The following SLC25A26 variants were observed in gnomAD, a reference collection of about 807,000 sequenced individuals.
The protein encoded by SLC25A26 is solute carrier family 25 member 26.
SLC25A26 carries 36 observed loss-of-function variants against 37.8 expected under a neutral mutation model. The ratio of observed to expected loss-of-function variants is 0.95; its 90% CI spans 0.73 to 1.26. SLC25A26 has a LOEUF of 1.26. Among genes scored for constraint, SLC25A26 ranks in the 50% most tolerant of loss-of-function variants. The probability of loss-of-function intolerance (pLI) is 0.00; values close to 1 mark genes in which losing one functional copy is unlikely to be tolerated. For missense variants in SLC25A26, 390 were observed against 331.1 expected, an observed-to-expected ratio of 1.18 and a Z score of -1.38; for synonymous variants, 129 against 122.5, an observed-to-expected ratio of 1.05 and a Z score of -0.35.
intron 9 of SLC25A26, chr3:66,371,330 T>C (rs1413026868): frequency 6.5e-7 from 1 of 1,549,360 alleles, no homozygotes; most frequent in Non-Finnish European, 8.7e-7. Flanking sequence ...GATGCCGAGT[T>C]GGATCACTTA....
At chr3:66,236,832 T>C in intron 2 of SLC25A26, 132 bp downstream of exon 2, 2 of 647,232 alleles carry the variant, frequency 3.1e-6, no homozygotes, top group South Asian at 4.3e-5. Context: ...TAACCTGGTG[T>C]CATTATTATT....
chr3:66,173,907 G>T (rs1329564198), intron 1 of SLC25A26, among the ~76,000 whole-genome samples: 1 of 152,124 alleles, frequency 6.6e-6, no homozygotes, highest in Non-Finnish European at 1.5e-5. Context: ...AAAAAAATTA[G>T]CTGGGCGTGG....
At chr3:66,375,354 TAACACTA>T (rs1700585762) in intron 9 of SLC25A26, among the ~76,000 whole-genome samples, 1 of 152,206 alleles carries the variant, frequency 6.6e-6, no homozygotes, top group Admixed American at 6.5e-5. Flanking sequence ...ATGAAGGCAC[TAACACTA>T]AACAACAGAT....
intron 1 of SLC25A26, among the ~76,000 whole-genome samples, chr3:66,153,424 G>T (rs955288461): frequency 6.6e-6 from 1 of 152,172 alleles, no homozygotes; most frequent in Non-Finnish European, 1.5e-5. Flanking sequence ...ATTAACAGGA[G>T]TGCCTGTTTA....
At chr3:66,224,509 T>C (rs36163062) in intron 1 of SLC25A26, among the ~76,000 whole-genome samples, 134,837 of 152,216 alleles carry the variant, frequency 0.89, 59,828 homozygotes, top group Middle Eastern at 0.95. Flanking sequence ...AGTTACCTTC[T>C]ACCAGGTCCC....
chr3:66,313,588 G>A (rs1575549519), intron 5 of SLC25A26, among the ~76,000 whole-genome samples: 1 of 152,152 alleles, frequency 6.6e-6, no homozygotes, highest in Non-Finnish European at 1.5e-5. Flanking sequence ...GCTTAGGATT[G>A]TCTTGGCTGT....
At chr3:66,306,873 G>A (rs546717121) in intron 5 of SLC25A26, among the ~76,000 whole-genome samples, 21 of 152,114 alleles carry the variant, frequency 1.4e-4, no homozygotes, top group Non-Finnish European at 2.4e-4. Context: ...TCCATGGTGT[G>A]TATGTGCCAC....
chr3:66,221,080 G>C lies in SLC25A26; in HGVS notation c.-15G>C. ...CTCCGGCTTGGATTGTAGCCTTGACGAGGTCTGAGCGACCATGGACCGGCC... is the reference window on the plus strand; with the variant it reads ...CTCCGGCTTGGATTGTAGCCTTGACCAGGTCTGAGCGACCATGGACCGGCC... On this transcript the variant is annotated 5_prime_UTR_variant, in exon 1 of 10. Transcript: ENST00000354883. 1 of 1,535,144 alleles carries C rather than the reference G, an allele frequency of 6.5e-7. No individual in the cohort carries two copies. Among genetic ancestry groups the C allele is most frequent in the Non-Finnish European group, 8.7e-7 (1 of 1,145,820 alleles).
intron 1 of SLC25A26, among the ~76,000 whole-genome samples, chr3:66,226,694 C>T (rs1553660845): frequency 6.6e-6 from 1 of 152,040 alleles, no homozygotes; most frequent in Admixed American, 6.6e-5. Flanking sequence ...AAGTACTGGC[C>T]TCAAGCAATC....
At chr3:66,162,433 C>T (rs1221976167) in intron 1 of SLC25A26, among the ~76,000 whole-genome samples, 2 of 148,596 alleles carry the variant, frequency 1.3e-5, no homozygotes, top group South Asian at 2.1e-4. Context: ...GCTGGGGCAT[C>T]GAAAAAAAGC....
At chr3:66,193,457 A>G (rs907263674) in intron 1 of SLC25A26, among the ~76,000 whole-genome samples, 1 of 152,174 alleles carries the variant, frequency 6.6e-6, no homozygotes, top group African/African-American at 2.4e-5. Context: ...TTAAAATGCT[A>G]TCATGGAGTG....
intron 5 of SLC25A26, among the ~76,000 whole-genome samples, chr3:66,287,469 C>T (rs184123850): frequency 3.3e-5 from 5 of 152,168 alleles, no homozygotes; most frequent in South Asian, 2.1e-4. Flanking sequence ...TCTGAACATG[C>T]CTATTTTCTC....
At chr3:66,338,979 A>C (rs150382650) in intron 5 of SLC25A26, among the ~76,000 whole-genome samples, 1 of 152,016 alleles carries the variant, frequency 6.6e-6, no homozygotes, top group East Asian at 1.9e-4. Context: ...TTATTCATTT[A>C]TGTGTTAATG....
At chr3:66,183,485 T>G (rs919399953) in intron 1 of SLC25A26, among the ~76,000 whole-genome samples, 4 of 151,974 alleles carry the variant, frequency 2.6e-5, no homozygotes, top group Non-Finnish European at 5.9e-5. Context: ...TCACGCTGAC[T>G]CTGACCCTCA....
intron 5 of SLC25A26, among the ~76,000 whole-genome samples, chr3:66,317,052 T>G (rs1039169164): frequency 4.6e-5 from 7 of 152,192 alleles, no homozygotes; most frequent in Admixed American, 1.3e-4. Flanking sequence ...TAGAACACAC[T>G]CCTTTATCTC....
chr3:66,303,227 A>C (rs549231431), intron 5 of SLC25A26, among the ~76,000 whole-genome samples: 3 of 152,252 alleles, frequency 2.0e-5, no homozygotes, highest in Non-Finnish European at 4.4e-5. Flanking sequence ...TATTTATTTT[A>C]TGGCCATTTT....
intron 7 of SLC25A26, among the ~76,000 whole-genome samples, chr3:66,366,521 T>C (rs897382191): frequency 1.3e-5 from 2 of 152,232 alleles, no homozygotes; most frequent in Non-Finnish European, 2.9e-5. Flanking sequence ...TTAGGACCTA[T>C]TGAAGCATAC....
At chr3:66,215,432 C>G (rs1414886709) in intron 1 of SLC25A26, among the ~76,000 whole-genome samples, 2 of 152,156 alleles carry the variant, frequency 1.3e-5, no homozygotes, top group African/African-American at 4.8e-5. Context: ...AATTCCTGGA[C>G]TCAAGTGATC....
chr3:66,201,807 C>G (rs973808446), intron 1 of SLC25A26, among the ~76,000 whole-genome samples: 3 of 152,152 alleles, frequency 2.0e-5, no homozygotes, highest in African/African-American at 7.2e-5. Flanking sequence ...ATGACTATTT[C>G]TTTTGCAACC....
Sources: gnomAD v4.1 joint callset for allele counts (sites outside exome capture counted in the v4.1 genomes callset) on GRCh38, gnomAD v4.1.1 for gene constraint, MANE v1.5 for transcripts, NCBI Gene and HGNC (gene_info 2026-07-23, HGNC 2026-07-21) for gene names.